The following DRC9 variants were observed in gnomAD, a reference collection of about 807,000 sequenced individuals.
DRC9 encodes dynein regulatory complex subunit 9.
At chr3:197,934,034 G>C in the DRC9 span, among the ~76,000 whole-genome samples, 1 of 149,702 alleles carries the variant, frequency 6.7e-6, no homozygotes, top group African/African-American at 2.4e-5. Flanking sequence ...GAGGTTTTTA[G>C]TGTTGATTTT....
the DRC9 span, among the ~76,000 whole-genome samples, chr3:197,904,104 ATATATATTTTT>A: frequency 4.3e-4 from 21 of 49,110 alleles, no homozygotes; most frequent in African/African-American, 1.2e-3. Flanking sequence ...ATATATATAT[ATATATATTTTT>A]TTTTTTAAAG....
At chr3:197,896,652 T>G in the DRC9 span, among the ~76,000 whole-genome samples, 1 of 152,334 alleles carries the variant, frequency 6.6e-6, no homozygotes, top group Non-Finnish European at 1.5e-5. Context: ...ATGAAGGCAC[T>G]GGCAAATCCC....
chr3:197,952,165 T>G, the DRC9 span, among the ~76,000 whole-genome samples: 12 of 102,732 alleles, frequency 1.2e-4, no homozygotes, highest in East Asian at 7.5e-4. Context: ...ATTATGGGTT[T>G]TTTTTTTTTT....
chr3:197,920,942 C>T, the DRC9 span, among the ~76,000 whole-genome samples: 3 of 152,222 alleles, frequency 2.0e-5, no homozygotes, highest in Admixed American at 2.0e-4. Flanking sequence ...TTCTTGTTGG[C>T]ATCATTTTCT....
chr3:197,912,869 G>T, the DRC9 span: 1 of 793,422 alleles, frequency 1.3e-6, no homozygotes, highest in Non-Finnish European at 2.2e-6. Context: ...GGGATCCCGG[G>T]CTTTCAGTTC....
the DRC9 span, among the ~76,000 whole-genome samples, chr3:197,904,631 G>A: frequency 6.6e-6 from 1 of 152,110 alleles, no homozygotes; most frequent in East Asian, 1.9e-4. Context: ...TTGGGAGGCC[G>A]AGGCAGATCA....
chr3:197,924,958 G>C, the DRC9 span, among the ~76,000 whole-genome samples: 89 of 152,228 alleles, frequency 5.8e-4, no homozygotes, highest in African/African-American at 2.0e-3. Flanking sequence ...TCTTATAAAA[G>C]TAAACTAGAT....
At chr3:197,901,366 G>A in the DRC9 span, among the ~76,000 whole-genome samples, 60 of 152,274 alleles carry the variant, frequency 3.9e-4, no homozygotes, top group African/African-American at 1.2e-3. This position sits in a 1 kb window ranked among gnomAD's most constrained non-coding sequence, Gnocchi z 4.4. Flanking sequence ...TCAAACTCAC[G>A]ACCCCAGGTG....
At chr3:197,950,252 G>A in the DRC9 span, 3 of 1,230,520 alleles carry the variant, frequency 2.4e-6, no homozygotes, top group Non-Finnish European at 3.0e-6. Context: ...TGAAATTTGG[G>A]GGCAAATAAC....
chr3:197,943,818 A>G, the DRC9 span: 1 of 1,614,032 alleles, frequency 6.2e-7, no homozygotes, highest in African/African-American at 1.3e-5. Context: ...AACGGGCATG[A>G]TGTAGTTCAG....
chr3:197,939,050 T>C, the DRC9 span: 1 of 374,684 alleles, frequency 2.7e-6, no homozygotes, highest in East Asian at 5.3e-5. Context: ...TTAGCAGGCA[T>C]TTCTCATGTT....
the DRC9 span, among the ~76,000 whole-genome samples, chr3:197,942,842 A>C: frequency 6.7e-6 from 1 of 148,690 alleles, no homozygotes; most frequent in Non-Finnish European, 1.5e-5. Flanking sequence ...CGGGAGGCGG[A>C]GGTTGCGGTG....
chr3:197,893,847 C>CA, the DRC9 span, among the ~76,000 whole-genome samples: 114 of 147,446 alleles, frequency 7.7e-4, no homozygotes, highest in African/African-American at 2.2e-3. Context: ...GACTCCGTCT[C>CA]AAAAAAAAAG....
the DRC9 span, chr3:197,913,815 G>C: frequency 6.8e-7 from 1 of 1,477,616 alleles, no homozygotes; most frequent in Non-Finnish European, 9.5e-7. Context: ...TGTTAGCTGA[G>C]AGGGGATCAG....
the DRC9 span, among the ~76,000 whole-genome samples, chr3:197,908,800 C>G: frequency 7.0e-6 from 1 of 143,580 alleles, no homozygotes; most frequent in Non-Finnish European, 1.5e-5. Context: ...TGAAGAGTGA[C>G]CCCTTTCCCA....
the DRC9 span, chr3:197,945,696 G>A: frequency 1.8e-6 from 2 of 1,097,102 alleles, no homozygotes; most frequent in Admixed American, 2.2e-5. Flanking sequence ...CCTAAAATGG[G>A]AAAGAAACAC....
the DRC9 span, among the ~76,000 whole-genome samples, chr3:197,921,788 G>GTAGTTC: frequency 6.8e-6 from 1 of 146,394 alleles, no homozygotes; most frequent in African/African-American, 2.7e-5. Context: ...TTTCATCTTG[G>GTAGTTC]TCGACCCGAC....
At chr3:197,923,473 C>G in the DRC9 span, among the ~76,000 whole-genome samples, 17 of 152,264 alleles carry the variant, frequency 1.1e-4, no homozygotes, top group South Asian at 4.1e-4. Context: ...TCACACCTAT[C>G]ATCCTAGCGT....
chr3:197,926,075 T>G, the DRC9 span: 2 of 1,582,386 alleles, frequency 1.3e-6, no homozygotes, highest in South Asian at 2.2e-5. Context: ...GTTTTTGAAG[T>G]GATATTATCT....
Sources: allele counts gnomAD v4.1 joint callset (sites outside exome capture counted in the v4.1 genomes callset), GRCh38; gene constraint gnomAD v4.1.1; non-coding constraint Gnocchi (gnomAD v3.1); transcripts MANE v1.5; gene names NCBI Gene and HGNC (gene_info 2026-07-23, HGNC 2026-07-21).